NEDD4L: variants seen among roughly 807,000 people sequenced by gnomAD.
NEDD4L encodes E3 ubiquitin-protein ligase NEDD4-like.
NEDD4L carries 54 observed loss-of-function variants against 148.9 expected under a neutral mutation model. The observed-to-expected ratio is 0.36, with a 90% CI of 0.29 to 0.45. The LOEUF is 0.45. Ranked by LOEUF, NEDD4L falls within the 20% of genes least tolerant of loss-of-function variation. NEDD4L has a pLI of 1.00. For missense variants in NEDD4L, 856 were observed against 1,233.8 expected (o/e 0.69, Z 4.59); for synonymous variants, 433 against 440.7 (o/e 0.98, Z 0.22).
intron 1 of NEDD4L, 183 bp from the exon 2 acceptor site, chr18:58,165,605 A>T (rs991473188): frequency 6.9e-7 from 1 of 1,458,778 alleles, no homozygotes; most frequent in East Asian, 2.5e-5. Flanking sequence ...AGAGTCACAG[A>T]CTTTTAGAGC....
chr18:58,127,614 C>A (rs1406078616), intron 1 of NEDD4L, among the ~76,000 whole-genome samples: 1 of 151,770 alleles, frequency 6.6e-6, no homozygotes, highest in Non-Finnish European at 1.5e-5. Flanking sequence ...CCGAGGCAGG[C>A]GGATCACGAG....
At chr18:58,072,943 A>G (rs1444883129) in intron 1 of NEDD4L, among the ~76,000 whole-genome samples, 2 of 152,112 alleles carry the variant, frequency 1.3e-5, no homozygotes, top group Admixed American at 6.6e-5. Context: ...AAGCTTGTAC[A>G]TACAAGAACA....
chr18:58,130,940 G>T (rs1158771142), intron 1 of NEDD4L, among the ~76,000 whole-genome samples: 2 of 142,058 alleles, frequency 1.4e-5, no homozygotes, highest in African/African-American at 5.3e-5. Context: ...GGCTCTGTTG[G>T]GGTTTGGTTG....
chr18:58,195,710 C>G (rs367943561), intron 2 of NEDD4L: 4 of 1,351,916 alleles, frequency 3.0e-6, no homozygotes, highest in Admixed American at 1.9e-5. Context: ...CCACTTCAGA[C>G]GAGCTCTTCC....
intron 5 of NEDD4L, among the ~76,000 whole-genome samples, chr18:58,299,015 C>T (rs2056089624): frequency 6.6e-6 from 1 of 152,234 alleles, no homozygotes; most frequent in Non-Finnish European, 1.5e-5. Context: ...CAGTGACTTT[C>T]ACTCCTCAAC....
chr18:58,177,181 C>G (rs1193794119), intron 2 of NEDD4L, among the ~76,000 whole-genome samples: 2 of 152,026 alleles, frequency 1.3e-5, no homozygotes, highest in South Asian at 2.1e-4. Flanking sequence ...TGCCTGTGCC[C>G]CCACGCCCGT....
At chr18:58,302,094 T>C (rs139558515) in intron 5 of NEDD4L, among the ~76,000 whole-genome samples, 1 of 152,286 alleles carries the variant, frequency 6.6e-6, no homozygotes, top group African/African-American at 2.4e-5. Context: ...TCTTTTGTCG[T>C]CTAGCCTGAG....
intron 5 of NEDD4L, among the ~76,000 whole-genome samples, chr18:58,262,199 C>T (rs892687813): frequency 6.6e-5 from 10 of 152,198 alleles, no homozygotes; most frequent in African/African-American, 2.4e-4. Flanking sequence ...TAAATATTAG[C>T]AAAAGCAGGT....
chr18:58,177,110 A>G (rs1599386637), intron 2 of NEDD4L, among the ~76,000 whole-genome samples: 1 of 149,422 alleles, frequency 6.7e-6, no homozygotes, highest in Admixed American at 6.6e-5. Flanking sequence ...CCCTTCCTGC[A>G]CCTCTCCCTG....
At chr18:58,382,577 T>C (rs971050748) in intron 24 of NEDD4L, among the ~76,000 whole-genome samples, 5 of 152,174 alleles carry the variant, frequency 3.3e-5, no homozygotes, top group African/African-American at 1.2e-4. Context: ...TCACGCTGGT[T>C]ACTGTGCTAT....
chr18:58,163,297 G>A (rs2036457845), intron 1 of NEDD4L, among the ~76,000 whole-genome samples: 1 of 152,160 alleles, frequency 6.6e-6, no homozygotes, highest in African/African-American at 2.4e-5. Flanking sequence ...GGCCATGGAG[G>A]CATCAAATGA....
intron 2 of NEDD4L, among the ~76,000 whole-genome samples, chr18:58,182,897 C>T (rs1243138996): frequency 1.3e-5 from 2 of 152,328 alleles, no homozygotes; most frequent in African/African-American, 4.8e-5. Context: ...GTTTGGCCAA[C>T]TGCAGAGGAA....
chr18:58,176,693 T>G (rs2038196339), intron 2 of NEDD4L, among the ~76,000 whole-genome samples: 1 of 152,242 alleles, frequency 6.6e-6, no homozygotes, highest in African/African-American at 2.4e-5. Context: ...GAGTCCCTAC[T>G]GTGGAACCTT....
chr18:58,398,157 TAAAAAAAAAAAAAAAAAAAAAAA>T lies in NEDD4L; in HGVS notation c.*1903_*1925del, dbSNP rs35545013. On this transcript the variant is annotated 3_prime_UTR_variant, in exon 31 of 31. Coordinates refer to ENST00000400345, the MANE Select transcript of NEDD4L (RefSeq NM_001144967.3). ...TCAGAAAACTTAGATGCTATGTAAC[TAAAAAAAAAAAAAAAAAAAAAAA>T]AAAAAAAAAAAAAATTCCCGCTCAT... 3 of 30,984 alleles carry T rather than the reference TAAAAAAAAAAAAAAAAAAAAAAA, an allele frequency of 9.7e-5. No individual in the cohort carries two copies. Among genetic ancestry groups the T allele is most frequent in the African/African-American group, 1.8e-4 (2 of 10,904 alleles). The allele number at this position is 30,984 out of a possible 1,614,324, so 1.9% of individuals were successfully genotyped here.
rs550479526 is a variant in NEDD4L, at chr18:58,222,949, G to T, written c.123-22478G>T. Among the ~76,000 whole-genome samples, 4 of 151,960 alleles carry T rather than the reference G, an allele frequency of 2.6e-5. No homozygotes were observed. In the South Asian group the frequency reaches 8.3e-4, roughly 32 times the overall value. ...TCTATAAGGGAAGTGGGATTTTAAA[G>T]TATGTTTGTGCTGGCCCCAGGCTGG... On this transcript the variant is annotated intron_variant, in intron 2 of 30. Transcript: ENST00000400345.
intron 10 of NEDD4L, among the ~76,000 whole-genome samples, chr18:58,329,658 ATT>A (rs1034872422): frequency 4.4e-4 from 59 of 135,532 alleles, no homozygotes; most frequent in African/African-American, 1.2e-3. Flanking sequence ...ACAATGGCTA[ATT>A]TTTTTTTTTT....
chr18:58,063,811 C>A (rs1183419896), intron 1 of NEDD4L, among the ~76,000 whole-genome samples: 2 of 151,966 alleles, frequency 1.3e-5, no homozygotes, highest in African/African-American at 4.8e-5. Flanking sequence ...GCCTCGGCCT[C>A]CCAAAGTGCT....
intron 1 of NEDD4L, among the ~76,000 whole-genome samples, chr18:58,099,823 C>T (rs773821401): frequency 2.0e-5 from 3 of 152,120 alleles, no homozygotes; most frequent in African/African-American, 4.8e-5. Flanking sequence ...GTGCCCAGAC[C>T]TTTAGTAGCA....
chr18:58,120,737 G>A (rs936284607), intron 1 of NEDD4L, among the ~76,000 whole-genome samples: 1 of 152,110 alleles, frequency 6.6e-6, no homozygotes, highest in Non-Finnish European at 1.5e-5. Context: ...CCGAGATCAC[G>A]CCACTGCACT....
Sources: gnomAD v4.1 joint callset for allele counts (sites outside exome capture counted in the v4.1 genomes callset) on GRCh38, gnomAD v4.1.1 for gene constraint, MANE v1.5 for transcripts, NCBI Gene and HGNC (gene_info 2026-07-23, HGNC 2026-07-21) for gene names.